The following OTOG variants were observed in gnomAD, a reference collection of about 807,000 sequenced individuals.
OTOG encodes the protein otogelin.
OTOG carries 296 observed loss-of-function variants against 313.8 expected under a neutral mutation model. The observed-to-expected ratio is 0.94, with a 90% CI of 0.86 to 1.04. The LOEUF (loss-of-function observed/expected upper bound fraction) is 1.04. Ranked by LOEUF, OTOG falls within the 50% of genes least tolerant of loss-of-function variation. The pLI is 0.00. For missense variants in OTOG, 3,948 were observed against 3,840.1 expected (o/e 1.03, Z -0.74); for synonymous variants, 1,533 against 1,554.9 (o/e 0.99, Z 0.33).
intron 42 of OTOG, among the ~76,000 whole-genome samples, chr11:17,633,073 C>T (rs910290886): frequency 2.0e-5 from 3 of 152,082 alleles, no homozygotes; most frequent in Non-Finnish European, 4.4e-5. Flanking sequence ...TCCTAAATAC[C>T]CTTTGAAATC....
At chr11:17,622,055 A>G (rs916125535) in intron 39 of OTOG, among the ~76,000 whole-genome samples, 1 of 152,132 alleles carries the variant, frequency 6.6e-6, no homozygotes, top group Non-Finnish European at 1.5e-5. Flanking sequence ...GAGACTGCTC[A>G]TGGATCATGA....
rs1049819215 is a variant in OTOG at position 17,547,741 on chromosome 11, A to G, written c.95-186A>G. On this transcript the variant is annotated intron_variant, in intron 1 of 55. Transcript: ENST00000399397. ...GCTGGGGGCCAAAGACTGAGAGTAA[A>G]CAGGGAGATCCTGGCTGGAGAAGGG... Among the ~76,000 whole-genome samples, 4 of 152,028 alleles carry G rather than the reference A, an allele frequency of 2.6e-5. No homozygotes were observed. In the East Asian group the frequency reaches 7.8e-4, roughly 29 times the overall value.
At chr11:17,639,489 C>T (rs1473966733) in intron 49 of OTOG, 26 bp downstream of exon 49, 1 of 1,549,136 alleles carries the variant, frequency 6.5e-7, no homozygotes, top group Non-Finnish European at 8.7e-7. Context: ...TCCCCCAACA[C>T]TCCCTGGTCT....
intron 23 of OTOG, 81 bp downstream of exon 23, chr11:17,578,607 A>G (rs2134036630): frequency 1.4e-6 from 2 of 1,437,238 alleles, no homozygotes; most frequent in Admixed American, 2.5e-5. Flanking sequence ...GGGGCAGGGA[A>G]AACATCACAT....
Position 17,576,565 on chromosome 11 carries a change from C to T in OTOG, c.2496C>T (p.Cys832=), listed in dbSNP as rs759950257. 1.3e-6 allele frequency: 2 copies of T among 1,550,366 alleles called. No individual in the cohort carries two copies. Among genetic ancestry groups the T allele is most frequent in the South Asian group, 1.2e-5 (1 of 84,046 alleles). The change falls in exon 21 of 56, where the codon TGC becomes TGT. Residue 832 remains cysteine, a synonymous_variant. Coordinates refer to ENST00000399397, the MANE Select transcript of OTOG (RefSeq NM_001292063.2). ...TCCCATTTTTTTATAGGAACCAGTG[C>T]TCCTGCCACTTCCAGGGAGTGGACT... The part of the protein sequence containing the change: ...QADLCVPRNQ[C]SCHFQGVDYP...
intron 3 of OTOG, 103 bp from the exon 4 acceptor site, chr11:17,551,897 C>G (rs1332498932): frequency 4.8e-6 from 5 of 1,035,852 alleles, no homozygotes; most frequent in Non-Finnish European, 7.3e-6. Flanking sequence ...GGGCTCCTCC[C>G]TCTGGGAGAT....
chr11:17,578,490 G>T lies in OTOG; in HGVS notation c.2723G>T (p.Arg908Leu), dbSNP rs144060182. ...QQLLNLSVSA[R>L]GPCLSGCACP... ...CTGCTGAACCTGAGCGTGTCAGCCC[G>T]TGGCCCCTGCCTCTCGGGCTGCGCC... Residue 908 changes from arginine (R) to leucine (L), a missense_variant, in exon 23 of 56, where the codon CGT becomes CTT. Coordinates refer to ENST00000399397, the MANE Select transcript of OTOG (RefSeq NM_001292063.2). 5.3e-3 allele frequency: 8,157 copies of T among 1,539,486 alleles called. 25 individuals are homozygous for T. The highest frequency in any genetic ancestry group is 6.4e-3 in the Non-Finnish European group (7,382 of 1,146,758).
chr11:17,613,620 GA>G lies in OTOG; in HGVS notation c.6449del (p.Asn2150ThrfsTer8). The stretch of plus-strand genomic sequence containing the variant: ...CTGGGTTCTCTCTGCAGGGGCACCT[GA>G]ACTGGCCCCCGTTCTGTCTGGTGAT... ...DCKSANLGHL[N>X]WPPFCLVMLN... On this transcript the variant is annotated frameshift_variant, in exon 39 of 56. Transcript: ENST00000399397. LOFTEE classifies it high-confidence loss of function. The G allele has an allele frequency of 6.4e-7, 1 of 1,550,642 alleles. No homozygotes were observed. Among genetic ancestry groups the G allele is most frequent in the Non-Finnish European group, 8.7e-7 (1 of 1,146,996 alleles).
chr11:17,552,956 A>G (rs1187695517), intron 4 of OTOG, among the ~76,000 whole-genome samples, 163 bp from the exon 5 acceptor site: 1 of 152,196 alleles, frequency 6.6e-6, no homozygotes, highest in Non-Finnish European at 1.5e-5. Context: ...GGGAGGGGGC[A>G]GGGCTGTGGT....
At chr11:17,616,534 T>C (rs1373149484) in intron 39 of OTOG, among the ~76,000 whole-genome samples, 3 of 152,226 alleles carry the variant, frequency 2.0e-5, no homozygotes, top group African/African-American at 4.8e-5. Context: ...TATTTTTTTA[T>C]GGCTTCTTTG....
intron 39 of OTOG, among the ~76,000 whole-genome samples, chr11:17,619,663 AAC>A (rs1853814701): frequency 6.6e-6 from 1 of 152,184 alleles, no homozygotes; most frequent in South Asian, 2.1e-4. Context: ...AGAACTTTAT[AAC>A]AGTATACTGC....
intron 39 of OTOG, among the ~76,000 whole-genome samples, chr11:17,628,394 T>G (rs1178864353): frequency 6.6e-6 from 1 of 152,222 alleles, no homozygotes; most frequent in African/African-American, 2.4e-5. Context: ...TACTTTAAAA[T>G]CTTAATCTTT....
Position 17,558,247 on chromosome 11 carries a change from C to T in OTOG, c.928C>T (p.Pro310Ser). The change falls in exon 9 of 56, where the codon CCT (proline) becomes TCT (serine). Residue 310 changes from proline (P) to serine (S), a missense_variant. Coordinates refer to ENST00000399397, the MANE Select transcript of OTOG (RefSeq NM_001292063.2). ...CTGGCAGGAGCAGGCCCCTAACCAG[C>T]CTCCAGGGCCCACAACTTCCTCCCT... Reference protein sequence around the residue: ...HSWQEQAPNQPPGPTTSSLPR... With the variant: ...HSWQEQAPNQSPGPTTSSLPR... The T allele has an allele frequency of 6.4e-7, 1 of 1,550,660 alleles. No individual in the cohort carries two copies. Among genetic ancestry groups the T allele is most frequent in the Non-Finnish European group, 8.7e-7 (1 of 1,147,002 alleles).
chr11:17,599,194 C>T (rs962269195), intron 30 of OTOG, among the ~76,000 whole-genome samples: 8 of 152,216 alleles, frequency 5.3e-5, no homozygotes, highest in Admixed American at 1.3e-4. Flanking sequence ...GGAAGCGCCT[C>T]TGCAGTGCAA....
chr11:17,609,863 G>A lies in OTOG; in HGVS notation c.4563G>A (p.Val1521=), dbSNP rs904798140. The change falls in exon 36 of 56, where the codon GTG becomes GTA. Residue 1521 remains valine (V), a synonymous_variant. Coordinates refer to ENST00000399397, the MANE Select transcript of OTOG (RefSeq NM_001292063.2). ...TGACAGCCACTGAGGAGCCAGTGGT[G>A]TCTCCAGGCCCCACCCAGACCACCC... ...PPVTATEEPV[V]SPGPTQTTLQ... 3.3e-6 allele frequency: 5 copies of A among 1,515,694 alleles called. No homozygotes were observed. The African/African-American group carries it at 5.5e-5, about 17-fold the overall frequency. 93.9% of individuals were successfully genotyped at this position (1,515,694 alleles called of 1,614,324 possible). A position where few individuals can be genotyped will look rare whatever the true frequency, so the allele number is the denominator to read the frequency against.
At chr11:17,563,853 G>GTTT (rs1565094488) in intron 15 of OTOG, among the ~76,000 whole-genome samples, 4 of 133,420 alleles carry the variant, frequency 3.0e-5, no homozygotes, top group African/African-American at 9.4e-5. Context: ...GCTAGTTTTT[G>GTTT]GTTTTTTTTT....
chr11:17,605,600 G>T (rs573018042), intron 32 of OTOG, among the ~76,000 whole-genome samples: 70 of 152,296 alleles, frequency 4.6e-4, no homozygotes, highest in African/African-American at 1.4e-3. Flanking sequence ...GAGGGAAGGA[G>T]ATAGTTCAAT....
chr11:17,619,385 C>G (rs898705485), intron 39 of OTOG, among the ~76,000 whole-genome samples: 2 of 152,128 alleles, frequency 1.3e-5, no homozygotes, highest in Non-Finnish European at 1.5e-5. Context: ...GATGTTTATA[C>G]CATTTATGTT....
chr11:17,557,494 G>T (rs1163820731), intron 8 of OTOG, among the ~76,000 whole-genome samples, 171 bp downstream of exon 8: 1 of 152,162 alleles, frequency 6.6e-6, no homozygotes, highest in African/African-American at 2.4e-5. Flanking sequence ...CCTTGGGCAT[G>T]TTCTTAAACT....
Sources: allele counts gnomAD v4.1 joint callset (sites outside exome capture counted in the v4.1 genomes callset), GRCh38; gene constraint gnomAD v4.1.1; transcripts MANE v1.5; gene names NCBI Gene and HGNC (gene_info 2026-07-23, HGNC 2026-07-21).